Variants in MYO1G observed in about 807,000 individuals in gnomAD.
The protein encoded by MYO1G is myosin IG, also known as unconventional myosin-Ig.
MYO1G carries 65 observed loss-of-function variants against 115.3 expected under a neutral mutation model. That is an observed-to-expected ratio of 0.56 (90% confidence interval 0.46 to 0.69). MYO1G has a LOEUF of 0.69. MYO1G is among the 30% of genes least tolerant of loss of function. The pLI is 0.00. For missense variants in MYO1G, 1,204 were observed against 1,393.5 expected (o/e 0.86, Z 2.16); for synonymous variants, 510 against 552.6 (o/e 0.92, Z 1.08).
At position 44,970,093 on chromosome 7, in the gene MYO1G, T is replaced by C. The variant is rs1048268186; in HGVS notation, c.1279A>G (p.Ile427Val). The change falls in exon 10 of 22, where the codon ATC becomes GTC. Residue 427 changes from isoleucine (I) to valine (V), a missense_variant. Transcript: ENST00000258787. ...TACTCTTCCTGTTCCTGCTTCAGGATGAGCTGGATGAATAGCTGCTGCAGC... is the reference window on the plus strand; with the variant it reads ...TACTCTTCCTGTTCCTGCTTCAGGACGAGCTGGATGAATAGCTGCTGCAGC... ...EKLQQLFIQL[I>V]LKQEQEEYER... 6 of 1,613,816 alleles carry C rather than the reference T, an allele frequency of 3.7e-6. No homozygotes were observed. The African/African-American group carries it at 8.0e-5, about 22-fold the overall frequency.
At chr7:44,977,134 C>T (rs571264417) in intron 1 of MYO1G, 63 bp from the exon 2 acceptor site, 56 of 1,529,608 alleles carry the variant, frequency 3.7e-5, no homozygotes, top group Non-Finnish European at 5.0e-5. Context: ...GGCCTTTCGC[C>T]AGAGCCCATA....
In MYO1G at chr7:44,962,833, C is replaced by G. The variant is rs770033987; in HGVS notation, c.2963G>C (p.Arg988Pro). 996 of 1,515,316 alleles carry G rather than the reference C, an allele frequency of 6.6e-4. 4 individuals carry two copies. The highest frequency in any genetic ancestry group is 4.5e-5 in the Non-Finnish European group (51 of 1,136,308). The allele number at this position is 1,515,316 out of a possible 1,614,324, so 93.9% of individuals were successfully genotyped here. ...DCIPLSHRGV[R>P]RLISVEPRPE... ...CCTGGGCTCCACGGAGATGAGGCGC[C>G]GGACCCCGCGATGGCTTAGTGGGAT... Residue 988 changes from arginine (R) to proline (P), a missense_variant, in exon 22 of 22, where the codon CGG becomes CCG. By Grantham distance (103) the Arg-to-Pro change is moderately radical. Transcript: ENST00000258787. The surrounding 1 kb of genome is among the most constrained non-coding windows in gnomAD (Gnocchi z 5.3).
chr7:44,977,070 A>T lies in MYO1G; in HGVS notation c.97T>A (p.Phe33Ile). The change falls in exon 2 of 22, where the codon TTC (phenylalanine) becomes ATC (isoleucine). Residue 33 changes from phenylalanine to isoleucine, a missense_variant and splice_region_variant. Coordinates refer to ENST00000258787, the MANE Select transcript of MYO1G (RefSeq NM_033054.3). The part of the protein sequence containing the change: ...EDFMRNLQLR[F>I]EKGRIYTYIG... The stretch of plus-strand genomic sequence containing the variant: ...TAGGTGTAGATGCGGCCCTTCTCGA[A>T]CCTGGACACAGCAGGGGTAGGCCTC... The T allele has an allele frequency of 6.2e-7, 1 of 1,612,040 alleles. No homozygotes were observed.
Position 44,962,789 on chromosome 7 carries a change from C to A in MYO1G, c.3007G>T (p.Asp1003Tyr), listed in dbSNP as rs200958914. 2.0e-6 allele frequency: 3 copies of A among 1,506,896 alleles called. No homozygotes were observed. The highest frequency in any genetic ancestry group is 2.6e-6 in the Non-Finnish European group (3 of 1,134,912). 93.3% of individuals were successfully genotyped at this position (1,506,896 alleles called of 1,614,324 possible). ...AAGGAGCCGCGAGCGCAGCGGAAAT[C>A]GGGCTCTGGCTGCTCCGGCCTGGGC... ...VEPRPEQPEPDFRCARGSFTL... is the reference protein window; with the variant it reads ...VEPRPEQPEPYFRCARGSFTL... Residue 1003 changes from aspartate (D) to tyrosine (Y), a missense_variant, in exon 22 of 22, where the codon GAT (aspartate) becomes TAT (tyrosine). Transcript: ENST00000258787. The surrounding 1 kb of genome is among the most constrained non-coding windows in gnomAD (Gnocchi z 5.3).
At position 44,969,791 on chromosome 7, in the gene MYO1G, T is replaced by C. The variant is rs1794918754; in HGVS notation, c.1417A>G (p.Ser473Gly). 2.5e-6 allele frequency: 4 copies of C among 1,612,916 alleles called. No homozygotes were observed. The African/African-American group carries it at 5.3e-5, about 22-fold the overall frequency. ...GILAVLDEAC[S>G]SAGTITDRIF... is the part of the protein sequence containing the mutation. ...CGGTCAGTGATGGTGCCAGCAGAGCTGCAGGCCTCGTCCAGCACGGCCAGG... is the reference window on the plus strand; with the variant it reads ...CGGTCAGTGATGGTGCCAGCAGAGCCGCAGGCCTCGTCCAGCACGGCCAGG... The change falls in exon 11 of 22, where the codon AGC becomes GGC. Residue 473 changes from serine to glycine, a missense_variant. Ser to Gly is a moderately conservative substitution (Grantham distance 56, BLOSUM62 0). Coordinates refer to ENST00000258787, the MANE Select transcript of MYO1G (RefSeq NM_033054.3). The surrounding 1 kb of genome is among the most constrained non-coding windows in gnomAD (Gnocchi z 5.0).
intron 9 of MYO1G, 39 bp from the exon 10 acceptor site, chr7:44,970,193 C>T: frequency 7.2e-7 from 1 of 1,384,528 alleles, no homozygotes; most frequent in South Asian, 1.2e-5. Flanking sequence ...GAGGTCGCTG[C>T]TTGTGGAGTG....
chr7:44,969,331 T>C lies in MYO1G; in HGVS notation c.1574+82A>G. 1 of 1,433,040 alleles carries C rather than the reference T, an allele frequency of 7.0e-7. No homozygotes were observed. The highest frequency in any genetic ancestry group is 9.8e-7 in the Non-Finnish European group (1 of 1,017,062). 88.8% of individuals were successfully genotyped at this position (1,433,040 alleles called of 1,614,324 possible). On this transcript the variant is annotated intron_variant, in intron 12 of 21. Coordinates refer to ENST00000258787, the MANE Select transcript of MYO1G (RefSeq NM_033054.3). The surrounding 1 kb of genome is among the most constrained non-coding windows in gnomAD (Gnocchi z 5.0). Reference sequence around the variant, plus strand: ...GCCATAACACCTGTCTCCGAGCCACTCCCCTGAAGCGCTCCTGCCCCATGA... The same window carrying C: ...GCCATAACACCTGTCTCCGAGCCACCCCCCTGAAGCGCTCCTGCCCCATGA...
At chr7:44,978,826 C>A (rs1287763083) in intron 1 of MYO1G, 41 bp downstream of exon 1, 6 of 1,576,514 alleles carry the variant, frequency 3.8e-6, no homozygotes, top group Non-Finnish European at 5.2e-6. Flanking sequence ...AGGTGGGAGA[C>A]CCTGGAGGAG....
At position 44,967,626 on chromosome 7, in the gene MYO1G, C is replaced by G; in HGVS notation, c.1761G>C (p.Leu587=). 6.2e-7 allele frequency: 1 copy of G among 1,613,836 alleles called. No individual in the cohort carries two copies. Among genetic ancestry groups the G allele is most frequent in the South Asian group, 1.1e-5 (1 of 91,090 alleles). ...GTLFKNSMVA[L]VENLASKEPF... ...ATACCTTGGAGGCAAGGTTCTCCAC[C>G]AGGGCCACCATGGAGTTCTTGAAGA... is the stretch of plus-strand genomic sequence containing the variant. Residue 587 remains leucine, a synonymous_variant, in exon 14 of 22, where the codon CTG becomes CTC. Transcript: ENST00000258787.
At position 44,966,674 on chromosome 7, in the gene MYO1G, G is replaced by A. The variant is rs367585819; in HGVS notation, c.1947C>T (p.Leu649=). The change falls in exon 15 of 22, where the codon CTC becomes CTT. Residue 649 remains leucine (L), a splice_region_variant and synonymous_variant. Coordinates refer to ENST00000258787, the MANE Select transcript of MYO1G (RefSeq NM_033054.3). The surrounding 1 kb of genome is among the most constrained non-coding windows in gnomAD (Gnocchi z 5.0). ...TGATGGGTGTCAGGTGCCAGTACCT[G>A]AGCAGGAATCGAGAGTAGGGCTGGC... ...ASRQPYSRFL[L]RYKMTCEYTW... The A allele has an allele frequency of 2.5e-6, 4 of 1,612,980 alleles. No individual in the cohort carries two copies. In the African/African-American group the frequency reaches 5.3e-5, roughly 22 times the overall value.
intron 1 of MYO1G, among the ~76,000 whole-genome samples, chr7:44,978,458 T>C (rs976017156): frequency 6.6e-6 from 1 of 152,148 alleles, no homozygotes; most frequent in African/African-American, 2.4e-5. Flanking sequence ...CGAGGGAGCA[T>C]CAACAACTGG....
At position 44,975,475 on chromosome 7, in the gene MYO1G, C is replaced by T. The variant is rs1174513536; in HGVS notation, c.564+9G>A. Reference sequence around the variant, plus strand: ...TCCCCATGGAGGTCTCCTCAGCCCACCTGCCCACCTTCTCCAGTAGGTAGC... The same window carrying T: ...TCCCCATGGAGGTCTCCTCAGCCCATCTGCCCACCTTCTCCAGTAGGTAGC... On this transcript the variant is annotated intron_variant, in intron 4 of 21. Coordinates refer to ENST00000258787, the MANE Select transcript of MYO1G (RefSeq NM_033054.3). 6.2e-6 allele frequency: 10 copies of T among 1,603,152 alleles called. No individual in the cohort carries two copies. The highest frequency in any genetic ancestry group is 6.8e-6 in the Non-Finnish European group (8 of 1,173,142).
chr7:44,966,595 G>T lies in MYO1G; in HGVS notation c.1949+77C>A. 1.9e-6 allele frequency: 3 copies of T among 1,568,778 alleles called. No individual in the cohort carries two copies. The highest frequency in any genetic ancestry group is 2.6e-6 in the Non-Finnish European group (3 of 1,142,138). On this transcript the variant is annotated intron_variant, in intron 15 of 21. Transcript: ENST00000258787. This position sits in a 1 kb window ranked among gnomAD's most constrained non-coding sequence, Gnocchi z 5.0. ...ATCGATGTTTGCGACGTGCTGTTTGGGGACCCTCTGCTCCTACCCCTTGGA... is the reference window on the plus strand; with the variant it reads ...ATCGATGTTTGCGACGTGCTGTTTGTGGACCCTCTGCTCCTACCCCTTGGA...
At chr7:44,965,219 C>T (rs1179236710) in intron 17 of MYO1G, 130 bp from the exon 18 acceptor site, 6 of 1,358,640 alleles carry the variant, frequency 4.4e-6, no homozygotes, top group Non-Finnish European at 6.0e-6. Flanking sequence ...CTCTGCCGGC[C>T]TCTCTGGCCT....
rs1264718122 is a variant in MYO1G at position 44,969,930 on chromosome 7, C to G, written c.1333-55G>C. The G allele has an allele frequency of 1.3e-6, 2 of 1,585,334 alleles. No homozygotes were observed. Among genetic ancestry groups the G allele is most frequent in the East Asian group, 4.5e-5 (2 of 44,580 alleles). On this transcript the variant is annotated intron_variant, in intron 10 of 21. Coordinates refer to ENST00000258787, the MANE Select transcript of MYO1G (RefSeq NM_033054.3). This position sits in a 1 kb window ranked among gnomAD's most constrained non-coding sequence, Gnocchi z 5.0. ...CCCAAGGTCTTTCAGGCCACCTCCCCTCCTCCGCCCCACACTCAGCCACCT... is the reference window on the plus strand; with the variant it reads ...CCCAAGGTCTTTCAGGCCACCTCCCGTCCTCCGCCCCACACTCAGCCACCT...
Position 44,976,551 on chromosome 7 carries a change from C to T in MYO1G, c.398+13G>A. Reference sequence around the variant, plus strand: ...TGCCATGCTGAGGCCCAGAGCTGCCCATTGCCACTCACCTCTCCACCTCAG... The same window carrying T: ...TGCCATGCTGAGGCCCAGAGCTGCCTATTGCCACTCACCTCTCCACCTCAG... On this transcript the variant is annotated intron_variant, in intron 3 of 21. Coordinates refer to ENST00000258787, the MANE Select transcript of MYO1G (RefSeq NM_033054.3). The T allele has an allele frequency of 1.2e-6, 2 of 1,612,750 alleles. No homozygotes were observed. Among genetic ancestry groups the T allele is most frequent in the Admixed American group, 3.3e-5 (2 of 60,016 alleles).
Position 44,965,057 on chromosome 7 carries a change from G to A in MYO1G, c.2414C>T (p.Pro805Leu), listed in dbSNP as rs1562826853. ...WRARQLVKNI[P>L]PSDMPQIKAK... Reference sequence around the variant, plus strand: ...CTTGATCTGGGGCATGTCTGAAGGGGGGATGTTCTTCACCAGCTGCCGGGC... The same window carrying A: ...CTTGATCTGGGGCATGTCTGAAGGGAGGATGTTCTTCACCAGCTGCCGGGC... The change falls in exon 18 of 22, where the codon CCC becomes CTC. Residue 805 changes from proline to leucine, a missense_variant. Physicochemically the swap from Pro to Leu is moderately conservative, Grantham distance 98. Transcript: ENST00000258787. The A allele has an allele frequency of 1.9e-6, 3 of 1,609,724 alleles. No individual in the cohort carries two copies. Among genetic ancestry groups the A allele is most frequent in the Non-Finnish European group, 2.5e-6 (3 of 1,177,138 alleles).
chr7:44,976,735 C>A (rs1016884546), intron 2 of MYO1G, 78 bp from the exon 3 acceptor site: 29 of 1,588,048 alleles, frequency 1.8e-5, no homozygotes, highest in Non-Finnish European at 2.5e-5. Context: ...CTCACACCCC[C>A]AAGACTGGCA....
Position 44,970,661 on chromosome 7 carries a change from C to A in MYO1G, c.1148G>T (p.Arg383Leu), listed in dbSNP as rs371241303. ...AATGACTGTGTCCTTGCCATCACGC[C>A]GAGGATCCCGGCCCCGGGGTTCCAT... The part of the protein sequence containing the change: ...SVMEPRGRDP[R>L]RDGKDTVIGV... Residue 383 changes from arginine (R) to leucine (L), a missense_variant, in exon 9 of 22, where the codon CGG becomes CTG. Arg to Leu is a moderately radical substitution (Grantham distance 102, BLOSUM62 -2). Transcript: ENST00000258787. The A allele has an allele frequency of 6.2e-7, 1 of 1,613,946 alleles. No homozygotes were observed. The highest frequency in any genetic ancestry group is 8.5e-7 in the Non-Finnish European group (1 of 1,180,042).
Sources: allele counts gnomAD v4.1 joint callset (sites outside exome capture counted in the v4.1 genomes callset), GRCh38; gene constraint gnomAD v4.1.1; non-coding constraint Gnocchi (gnomAD v3.1); transcripts MANE v1.5; gene names NCBI Gene and HGNC (gene_info 2026-07-23, HGNC 2026-07-21).